RALGAPA2: variants seen among roughly 807,000 people sequenced by gnomAD.
RALGAPA2 encodes Ral GTPase activating protein catalytic subunit alpha 2.
In RALGAPA2, 139 loss-of-function variants were observed where a neutral mutation model predicts 230.4. That is an observed-to-expected ratio of 0.60 (90% CI 0.53 to 0.69). The LOEUF is 0.69. Among genes scored for constraint, RALGAPA2 ranks in the 30% least tolerant of loss-of-function variants. The pLI is 0.00. For synonymous variants in RALGAPA2, 847 were observed against 837.8 expected (o/e 1.01, Z -0.19); for missense variants, 2,163 against 2,276.0 (o/e 0.95, Z 1.01).
chr20:20,466,026 C>T (rs1049355876), intron 37 of RALGAPA2, among the ~76,000 whole-genome samples: 4 of 152,192 alleles, frequency 2.6e-5, no homozygotes, highest in Non-Finnish European at 5.9e-5. Flanking sequence ...GTTTTACCTG[C>T]TTGGCCCATT....
intron 37 of RALGAPA2, among the ~76,000 whole-genome samples, chr20:20,447,440 A>G (rs555773176): frequency 6.6e-6 from 1 of 152,182 alleles, no homozygotes; most frequent in Non-Finnish European, 1.5e-5. Flanking sequence ...AGATGCAGAG[A>G]GCTCAACAGC....
At chr20:20,673,017 T>C (rs2068189196) in intron 3 of RALGAPA2, among the ~76,000 whole-genome samples, 1 of 151,808 alleles carries the variant, frequency 6.6e-6, no homozygotes, top group Non-Finnish European at 1.5e-5. Flanking sequence ...AACCCGTCTC[T>C]ACTAAAAATA....
chr20:20,704,840 T>C (rs2069531104), intron 1 of RALGAPA2, among the ~76,000 whole-genome samples: 1 of 152,334 alleles, frequency 6.6e-6, no homozygotes, highest in African/African-American at 2.4e-5. Flanking sequence ...CTTAACTCCA[T>C]GGTGCTACAC....
rs2146354679 is a variant in RALGAPA2, at chr20:20,621,699, A to C, written c.1234-1069T>G. ...TATACATCTCCATACAACAATTTTG[A>C]TTTAATGTGAGAAGATTCCAATAAT... On this transcript the variant is annotated intron_variant, in intron 10 of 39. Coordinates refer to ENST00000202677, the MANE Select transcript of RALGAPA2 (RefSeq NM_020343.4). Among the ~76,000 whole-genome samples, 3 of 152,326 alleles carry C rather than the reference A, an allele frequency of 2.0e-5. No homozygotes were observed. The South Asian group carries it at 6.2e-4, about 32-fold the overall frequency.
intron 37 of RALGAPA2, among the ~76,000 whole-genome samples, chr20:20,461,528 G>C (rs372667774): frequency 1.2e-4 from 19 of 152,174 alleles, no homozygotes; most frequent in East Asian, 7.7e-4. Flanking sequence ...GGCAGAGCAT[G>C]ATAGTAAGCA....
intron 18 of RALGAPA2, among the ~76,000 whole-genome samples, chr20:20,585,636 A>G (rs1276796346): frequency 1.3e-5 from 2 of 152,244 alleles, no homozygotes; most frequent in East Asian, 3.8e-4. Flanking sequence ...AGAGCTGTTC[A>G]AGACAGCAAT....
intron 23 of RALGAPA2, among the ~76,000 whole-genome samples, chr20:20,548,147 AC>A (rs1488632398): frequency 1.3e-4 from 20 of 152,126 alleles, no homozygotes; most frequent in African/African-American, 4.6e-4. Context: ...ACACACACAC[AC>A]ACAAAATCCT....
At chr20:20,679,287 A>G (rs2068442124) in intron 2 of RALGAPA2, among the ~76,000 whole-genome samples, 1 of 152,118 alleles carries the variant, frequency 6.6e-6, no homozygotes, top group Non-Finnish European at 1.5e-5. Context: ...GTGTCCTGAA[A>G]GCATCTTTGA....
chr20:20,471,200 T>G (rs2061532437), intron 37 of RALGAPA2: 1 of 152,260 alleles, frequency 6.6e-6, no homozygotes, highest in Non-Finnish European at 1.5e-5. Context: ...TCAAAGTGAT[T>G]CTGAATAGTA....
intron 23 of RALGAPA2, among the ~76,000 whole-genome samples, chr20:20,556,270 C>T (rs1054522714): frequency 1.3e-5 from 2 of 152,192 alleles, no homozygotes; most frequent in African/African-American, 4.8e-5. Flanking sequence ...CTGACCAACA[C>T]AACACCCTGC....
In RALGAPA2 at chr20:20,712,267, CA is replaced by C; in HGVS notation, c.106+107del. 1 of 768,306 alleles carries C rather than the reference CA, an allele frequency of 1.3e-6. No homozygotes were observed. 47.6% of individuals were successfully genotyped at this position (768,306 alleles called of 1,614,324 possible). On this transcript the variant is annotated intron_variant, in intron 1 of 39. Transcript: ENST00000202677. The surrounding 1 kb of genome is among the most constrained non-coding windows in gnomAD (Gnocchi z 5.5). The stretch of plus-strand genomic sequence containing the variant: ...CAGGGAAGGGGGTCGGACGCCCACC[CA>C]TCCCCCTCCCCAGCCTCCCAGCCAC...
chr20:20,455,052 A>G (rs765814057), intron 37 of RALGAPA2, among the ~76,000 whole-genome samples: 9 of 152,178 alleles, frequency 5.9e-5, no homozygotes, highest in Non-Finnish European at 1.2e-4. Context: ...TCCCTGAATC[A>G]AGTTTCAGAG....
intron 36 of RALGAPA2, among the ~76,000 whole-genome samples, chr20:20,485,045 ATTT>A (rs777649458): frequency 2.2e-5 from 3 of 137,408 alleles, no homozygotes; most frequent in Admixed American, 7.3e-5. Flanking sequence ...ACATTATGAG[ATTT>A]TTTTTTTTTT....
In RALGAPA2 at chr20:20,622,965, T is replaced by C. The variant is rs995106762; in HGVS notation, c.1234-2335A>G. 2.0e-5 allele frequency among the ~76,000 whole-genome samples: 3 copies of C among 152,178 alleles called. No individual in the cohort carries two copies. In the South Asian group the frequency reaches 6.2e-4, roughly 31 times the overall value. ...TACTGAGGGTAAAAGTTGAAATTAATGCTAGCATTTATGTTAGGAATGCAT... is the reference window on the plus strand; with the variant it reads ...TACTGAGGGTAAAAGTTGAAATTAACGCTAGCATTTATGTTAGGAATGCAT... On this transcript the variant is annotated intron_variant, in intron 10 of 39. Transcript: ENST00000202677.
intron 1 of RALGAPA2, among the ~76,000 whole-genome samples, chr20:20,711,505 A>AG (rs1373000454): frequency 6.6e-6 from 1 of 152,206 alleles, no homozygotes; most frequent in Non-Finnish European, 1.5e-5. Context: ...AACATAGCCT[A>AG]GGCGAACCAG....
intron 24 of RALGAPA2, among the ~76,000 whole-genome samples, chr20:20,544,149 C>T (rs1296856848): frequency 2.0e-5 from 3 of 151,764 alleles, no homozygotes; most frequent in South Asian, 2.1e-4. Context: ...AGGCCGGGCA[C>T]GGTGGCTCAC....
chr20:20,591,065 T>C, intron 17 of RALGAPA2, 112 bp downstream of exon 17: 1 of 1,248,416 alleles, frequency 8.0e-7, no homozygotes, highest in Non-Finnish European at 1.1e-6. Context: ...AAAAAGGTAA[T>C]TCCCTTGAAA....
intron 4 of RALGAPA2, among the ~76,000 whole-genome samples, chr20:20,648,275 A>T (rs1336772982): frequency 6.6e-6 from 1 of 152,152 alleles, no homozygotes; most frequent in Non-Finnish European, 1.5e-5. Context: ...CTTATGTAAG[A>T]CTCTAGAAAA....
chr20:20,658,758 G>A (rs990120625), intron 3 of RALGAPA2, among the ~76,000 whole-genome samples: 1 of 151,992 alleles, frequency 6.6e-6, no homozygotes, highest in Non-Finnish European at 1.5e-5. Context: ...TGAAATGTAA[G>A]CTGGAGTCTA....
Sources: allele counts gnomAD v4.1 joint callset (sites outside exome capture counted in the v4.1 genomes callset), GRCh38; gene constraint gnomAD v4.1.1; non-coding constraint Gnocchi (gnomAD v3.1); transcripts MANE v1.5; gene names NCBI Gene and HGNC (gene_info 2026-07-23, HGNC 2026-07-21).